Variants in DUSP22 observed in about 807,000 individuals in gnomAD.
DUSP22 encodes dual specificity phosphatase 22, also known as dual specificity protein phosphatase 22.
DUSP22 carries 24 observed loss-of-function variants against 24.5 expected under a neutral mutation model. The ratio of observed to expected loss-of-function variants is 0.98; its 90% CI spans 0.71 to 1.38. The LOEUF (loss-of-function observed/expected upper bound fraction) is 1.38. Ranked by LOEUF, DUSP22 falls within the 40% of genes most tolerant of loss-of-function variation. The probability of loss-of-function intolerance (pLI) is 0.00; values close to 1 mark genes in which losing one functional copy is unlikely to be tolerated. For synonymous variants in DUSP22, 160 were observed against 106.4 expected (o/e 1.50, Z -3.10); for missense variants, 330 against 269.2 (o/e 1.23, Z -1.58).
chr6:313,819 A>T (rs1044839963), intron 3 of DUSP22, among the ~76,000 whole-genome samples: 6 of 152,304 alleles, frequency 3.9e-5, no homozygotes, highest in African/African-American at 1.2e-4. Context: ...TTTAAAAATT[A>T]AAACAATAGC....
chr6:333,071 C>T (rs1169272164), intron 3 of DUSP22, among the ~76,000 whole-genome samples: 1 of 152,310 alleles, frequency 6.6e-6, no homozygotes, highest in African/African-American at 2.4e-5. Context: ...AACAATAATA[C>T]TTCCTTTTCC....
intron 4 of DUSP22, among the ~76,000 whole-genome samples, chr6:342,495 C>A (rs1487977131): frequency 2.6e-5 from 4 of 152,426 alleles, no homozygotes; most frequent in Non-Finnish European, 5.9e-5. Flanking sequence ...AGGGCAGGCA[C>A]CCAGTGTAAA....
rs187296626 is a variant in DUSP22 at position 308,567 on chromosome 6, C to T, written c.56-3313C>T. On this transcript the variant is annotated intron_variant, in intron 2 of 6. Coordinates refer to ENST00000419235, the MANE Select transcript of DUSP22 (RefSeq NM_001286555.3). ...GCTTCCCTGTGCTTTGGAGTCCAGC[C>T]GGCAGTGGGCTGTCGTGATATCAAG... 7.9e-5 allele frequency among the ~76,000 whole-genome samples: 12 copies of T among 152,410 alleles called. No individual in the cohort carries two copies. In the East Asian group the frequency reaches 1.9e-3, roughly 24 times the overall value.
chr6:308,048 C>G (rs549556457), intron 2 of DUSP22, among the ~76,000 whole-genome samples: 1 of 152,022 alleles, frequency 6.6e-6, no homozygotes, highest in East Asian at 1.9e-4. Context: ...GGGAGGGGCC[C>G]GCTGGCACCG....
At chr6:332,562 A>G (rs1373782054) in intron 3 of DUSP22, among the ~76,000 whole-genome samples, 2 of 152,296 alleles carry the variant, frequency 1.3e-5, no homozygotes, top group Non-Finnish European at 2.9e-5. Context: ...AGGAAGCACA[A>G]TACTGTCCAG....
At chr6:335,992 A>G (rs1465412263) in intron 4 of DUSP22, among the ~76,000 whole-genome samples, 1 of 152,306 alleles carries the variant, frequency 6.6e-6, no homozygotes. Context: ...GTGGAGACAG[A>G]TAGGATTAGG....
chr6:334,365 A>G (rs1357322416), intron 3 of DUSP22, among the ~76,000 whole-genome samples: 2 of 152,300 alleles, frequency 1.3e-5, no homozygotes, highest in African/African-American at 4.8e-5. Flanking sequence ...GAGCTTTTGA[A>G]ACATTCTTTC....
At chr6:326,668 G>C (rs945228988) in intron 3 of DUSP22, among the ~76,000 whole-genome samples, 1 of 152,308 alleles carries the variant, frequency 6.6e-6, no homozygotes, top group Admixed American at 6.5e-5. Flanking sequence ...GGCAAATCCT[G>C]TCTACTACCA....
chr6:327,636 G>T (rs1317958416), intron 3 of DUSP22, among the ~76,000 whole-genome samples: 1 of 152,306 alleles, frequency 6.6e-6, no homozygotes, highest in Non-Finnish European at 1.5e-5. Context: ...CCATGCGCCT[G>T]TGTGCTGCTG....
chr6:308,400 G>A (rs1352451135), intron 2 of DUSP22, among the ~76,000 whole-genome samples: 1 of 152,296 alleles, frequency 6.6e-6, no homozygotes, highest in Non-Finnish European at 1.5e-5. Context: ...TAAAGTTCCA[G>A]GGTCATCACC....
At chr6:329,214 C>T (rs1037416982) in intron 3 of DUSP22, among the ~76,000 whole-genome samples, 27 of 152,412 alleles carry the variant, frequency 1.8e-4, no homozygotes, top group South Asian at 6.2e-4. Flanking sequence ...TGTGGCCAGA[C>T]GGTTTTCACA....
intron 3 of DUSP22, among the ~76,000 whole-genome samples, chr6:313,085 C>G (rs1311188831): frequency 1.3e-5 from 2 of 152,174 alleles, no homozygotes; most frequent in African/African-American, 2.4e-5. Flanking sequence ...AATAACCACT[C>G]CATTTTTTAA....
chr6:345,778 C>G (rs968983515), intron 4 of DUSP22, 76 bp from the exon 5 acceptor site: 2 of 1,535,184 alleles, frequency 1.3e-6, no homozygotes, highest in Admixed American at 1.9e-5. Context: ...AAGAAAGAAG[C>G]CTCAGGTAGA....
rs1305287032 is a variant in DUSP22, at chr6:335,110, G to A, written c.139-4G>A. 1 of 1,613,260 alleles carries A rather than the reference G, an allele frequency of 6.2e-7. No individual in the cohort carries two copies. Among genetic ancestry groups the A allele is most frequent in the Non-Finnish European group, 8.5e-7 (1 of 1,179,364 alleles). ...TTATGTATTTACTTTTTATTATTCTGCAGGGAGTTAAATACCTGTGCATCC... is the reference window on the plus strand; with the variant it reads ...TTATGTATTTACTTTTTATTATTCTACAGGGAGTTAAATACCTGTGCATCC... On this transcript the variant is annotated splice_region_variant and splice_polypyrimidine_tract_variant and intron_variant, in intron 3 of 6. Transcript: ENST00000419235.
chr6:349,554 A>T lies in DUSP22; in HGVS notation c.*603A>T, dbSNP rs1285077780. 2 of 989,422 alleles carry T rather than the reference A, an allele frequency of 2.0e-6. No individual in the cohort carries two copies. Among genetic ancestry groups the T allele is most frequent in the South Asian group, 9.3e-5 (2 of 21,494 alleles). The allele number at this position is 989,422 out of a possible 1,614,324, so 61.3% of individuals were successfully genotyped here. On this transcript the variant is annotated 3_prime_UTR_variant, in exon 7 of 7. Transcript: ENST00000419235. ...AAGAGCATGGCCTCTCCCAGAACCCACCCAGGGTGGTGTGGTGGGGGCAAC... is the reference window on the plus strand; with the variant it reads ...AAGAGCATGGCCTCTCCCAGAACCCTCCCAGGGTGGTGTGGTGGGGGCAAC...
intron 3 of DUSP22, among the ~76,000 whole-genome samples, chr6:314,027 G>T (rs1173709169): frequency 6.6e-6 from 1 of 152,300 alleles, no homozygotes; most frequent in East Asian, 1.9e-4. Flanking sequence ...TCAGGGAAAT[G>T]ATGTGTTTGG....
At position 335,200 on chromosome 6, in the gene DUSP22, A is replaced by T. The variant is rs770981142; in HGVS notation, c.188+37A>T. The stretch of plus-strand genomic sequence containing the variant: ...ATTTCTGTATTATTTGGAGACATTT[A>T]AAAAAATGAATAGAGGATGGTAAAG... On this transcript the variant is annotated intron_variant, in intron 4 of 6. Transcript: ENST00000419235. 13 of 1,601,670 alleles carry T rather than the reference A, an allele frequency of 8.1e-6. No homozygotes were observed. In the African/African-American group the frequency reaches 9.4e-5, roughly 12 times the overall value.
chr6:321,484 T>G (rs1469054964), intron 3 of DUSP22, among the ~76,000 whole-genome samples: 1 of 152,286 alleles, frequency 6.6e-6, no homozygotes, highest in African/African-American at 2.4e-5. Context: ...GTAATCCTCG[T>G]TAGAAGTGAT....
At chr6:308,282 A>G (rs1757914723) in intron 2 of DUSP22, among the ~76,000 whole-genome samples, 1 of 152,306 alleles carries the variant, frequency 6.6e-6, no homozygotes, top group Non-Finnish European at 1.5e-5. Flanking sequence ...TGTGCACATT[A>G]GGAAACTCCA....
Sources: allele counts gnomAD v4.1 joint callset (sites outside exome capture counted in the v4.1 genomes callset), GRCh38; gene constraint gnomAD v4.1.1; transcripts MANE v1.5; gene names NCBI Gene and HGNC (gene_info 2026-07-23, HGNC 2026-07-21).